ENOX1: variants seen among roughly 807,000 people sequenced by gnomAD.
ENOX1 encodes candidate growth-related and time keeping constitutive hydroquinone (NADH) oxidase.
In ENOX1, 42 loss-of-function variants were observed where a neutral mutation model predicts 82.5. That is an observed-to-expected ratio of 0.51 (90% CI 0.40 to 0.66). ENOX1 has a LOEUF of 0.66. Ranked by LOEUF, ENOX1 falls within the 30% of genes least tolerant of loss-of-function variation. The pLI is 0.00. For synonymous variants in ENOX1, 271 were observed against 282.2 expected (o/e 0.96, Z 0.40); for missense variants, 608 against 811.6 (o/e 0.75, Z 3.05).
chr13:43,650,172 AG>A (rs2084091079), intron 2 of ENOX1, among the ~76,000 whole-genome samples: 3 of 152,198 alleles, frequency 2.0e-5, no homozygotes, highest in Admixed American at 2.0e-4. Flanking sequence ...TTTTCAAAAC[AG>A]GGCTGCCAAA....
intron 3 of ENOX1, among the ~76,000 whole-genome samples, chr13:43,443,403 C>A (rs185319747): frequency 6.6e-6 from 1 of 152,132 alleles, no homozygotes. Flanking sequence ...TTTTAAATTA[C>A]GCTTTTACTT....
At chr13:43,333,142 T>G (rs1409957234) in intron 9 of ENOX1, among the ~76,000 whole-genome samples, 1 of 152,224 alleles carries the variant, frequency 6.6e-6, no homozygotes, top group Non-Finnish European at 1.5e-5. Context: ...TATAAACATC[T>G]TCCAACATAT....
chr13:43,544,484 C>G (rs1253148441), intron 2 of ENOX1: 1 of 152,066 alleles, frequency 6.6e-6, no homozygotes, highest in Non-Finnish European at 1.5e-5. Flanking sequence ...CCTTGAAGAG[C>G]CCATTTAATC....
chr13:43,355,641 A>T (rs1439412966), intron 8 of ENOX1, among the ~76,000 whole-genome samples: 3 of 152,148 alleles, frequency 2.0e-5, no homozygotes, highest in African/African-American at 7.2e-5. Context: ...GACTGTACAT[A>T]CACTTTTATG....
chr13:43,380,803 A>G (rs2051988585), intron 5 of ENOX1, among the ~76,000 whole-genome samples: 1 of 151,780 alleles, frequency 6.6e-6, no homozygotes, highest in Admixed American at 6.6e-5. Context: ...AAATATAATT[A>G]TGGATAAATG....
intron 5 of ENOX1, among the ~76,000 whole-genome samples, chr13:43,407,040 C>T (rs1396943583): frequency 1.3e-5 from 2 of 152,158 alleles, no homozygotes; most frequent in African/African-American, 4.8e-5. Flanking sequence ...GTACTCAGCT[C>T]CTGCTTTTCA....
intron 14 of ENOX1, among the ~76,000 whole-genome samples, chr13:43,242,992 C>A (rs1383568764): frequency 6.6e-6 from 1 of 152,126 alleles, no homozygotes; most frequent in East Asian, 1.9e-4. Context: ...AAAAATTAGC[C>A]GAGCGTGGTA....
intron 8 of ENOX1, among the ~76,000 whole-genome samples, chr13:43,347,786 CT>C (rs2049486500): frequency 6.6e-6 from 1 of 152,200 alleles, no homozygotes; most frequent in African/African-American, 2.4e-5. Flanking sequence ...ATTCCAAATA[CT>C]TTCTGTGAAC....
At chr13:43,297,171 A>G (rs1321682346) in intron 12 of ENOX1, among the ~76,000 whole-genome samples, 1 of 152,188 alleles carries the variant, frequency 6.6e-6, no homozygotes, top group Non-Finnish European at 1.5e-5. Context: ...TATAATTTGT[A>G]CGAGTTGGTT....
chr13:43,424,370 T>C (rs1320139665), intron 3 of ENOX1, among the ~76,000 whole-genome samples: 1 of 152,198 alleles, frequency 6.6e-6, no homozygotes, highest in African/African-American at 2.4e-5. Context: ...GATAAATAAC[T>C]GACCCTTAAA....
intron 3 of ENOX1, among the ~76,000 whole-genome samples, chr13:43,429,207 C>T (rs1301062575): frequency 2.0e-5 from 3 of 152,118 alleles, no homozygotes; most frequent in Non-Finnish European, 4.4e-5. Context: ...GAGAGGCTAA[C>T]GTATAATGCC....
At chr13:43,658,966 G>A (rs962250621) in intron 2 of ENOX1, among the ~76,000 whole-genome samples, 3 of 152,002 alleles carry the variant, frequency 2.0e-5, no homozygotes, top group Non-Finnish European at 4.4e-5. Flanking sequence ...ATGGTTTTCT[G>A]TCCTCCATTT....
intron 2 of ENOX1, among the ~76,000 whole-genome samples, chr13:43,575,717 G>A (rs922782847): frequency 9.9e-5 from 15 of 152,256 alleles, no homozygotes; most frequent in South Asian, 2.1e-4. Flanking sequence ...TAGATTCCTC[G>A]GTAATTTAGC....
intron 3 of ENOX1, among the ~76,000 whole-genome samples, chr13:43,446,663 C>T (rs1430543776): frequency 6.6e-6 from 1 of 152,152 alleles, no homozygotes; most frequent in African/African-American, 2.4e-5. Context: ...GTTTATAAGC[C>T]CCATCTAACT....
At chr13:43,350,761 C>T (rs779363826) in intron 8 of ENOX1, among the ~76,000 whole-genome samples, 1 of 152,076 alleles carries the variant, frequency 6.6e-6, no homozygotes, top group Admixed American at 6.6e-5. Flanking sequence ...TTTTTCCTCC[C>T]GCTTTGTGTG....
intron 3 of ENOX1, among the ~76,000 whole-genome samples, chr13:43,463,829 G>A (rs2057598974): frequency 6.6e-6 from 1 of 152,078 alleles, no homozygotes; most frequent in Admixed American, 6.5e-5. Context: ...AAATAAATTA[G>A]AAGACTACAA....
intron 4 of ENOX1, 21 bp from the exon 5 acceptor site, chr13:43,412,074 T>C (rs2054167237): frequency 6.2e-7 from 1 of 1,610,370 alleles, no homozygotes; most frequent in Non-Finnish European, 8.5e-7. Flanking sequence ...AAACAAACCA[T>C]GATTTAGAGT....
At chr13:43,581,125 CT>C (rs1174448355) in intron 2 of ENOX1, among the ~76,000 whole-genome samples, 1,297 of 76,978 alleles carry the variant, frequency 0.017, 3 homozygotes, top group African/African-American at 0.06. Flanking sequence ...CTACCTGATT[CT>C]TTTTTTTTTT....
At chr13:43,689,957 ATT>A (rs1457268863) in intron 1 of ENOX1, among the ~76,000 whole-genome samples, 4 of 152,132 alleles carry the variant, frequency 2.6e-5, no homozygotes, top group Admixed American at 6.6e-5. Flanking sequence ...CCCTGATAAC[ATT>A]TTAAGTCCTT....
Sources: allele counts gnomAD v4.1 joint callset (sites outside exome capture counted in the v4.1 genomes callset), GRCh38; gene constraint gnomAD v4.1.1; transcripts MANE v1.5; gene names NCBI Gene and HGNC (gene_info 2026-07-23, HGNC 2026-07-21).